Variants in C10orf90 observed in about 807,000 individuals in gnomAD.
C10orf90 encodes chromosome 10 open reading frame 90.
Under a neutral mutation model 62.5 loss-of-function variants are expected in C10orf90, and 56 were observed. The ratio of observed to expected loss-of-function variants is 0.90; its 90% CI spans 0.72 to 1.12. The LOEUF (loss-of-function observed/expected upper bound fraction) is 1.12. C10orf90 is among the 50% of genes most tolerant of loss of function. The probability of loss-of-function intolerance (pLI) is 0.00; values close to 1 mark genes in which losing one functional copy is unlikely to be tolerated. For missense variants in C10orf90, 970 were observed against 880.4 expected (o/e 1.10, Z -1.29); for synonymous variants, 386 against 340.4 (o/e 1.13, Z -1.47).
At chr10:126,651,324 A>G (rs1379079135) in intron 1 of C10orf90, among the ~76,000 whole-genome samples, 1 of 152,200 alleles carries the variant, frequency 6.6e-6, no homozygotes, top group African/African-American at 2.4e-5. Context: ...CTCTGACAGC[A>G]AAACCTTACC....
chr10:126,444,372 AC>A (rs1275527736), intron 7 of C10orf90, among the ~76,000 whole-genome samples: 1 of 151,996 alleles, frequency 6.6e-6, no homozygotes, highest in Non-Finnish European at 1.5e-5. Flanking sequence ...CTCCTATACA[AC>A]AAGAGCGACC....
intron 2 of C10orf90, among the ~76,000 whole-genome samples, chr10:126,603,158 T>TCA: frequency 6.6e-6 from 1 of 150,798 alleles, no homozygotes; most frequent in Non-Finnish European, 1.5e-5. Context: ...GTTCTCACGC[T>TCA]GCTAATAAAG....
chr10:126,630,671 A>T (rs977535717), intron 2 of C10orf90, among the ~76,000 whole-genome samples: 3 of 152,110 alleles, frequency 2.0e-5, no homozygotes, highest in Non-Finnish European at 4.4e-5. Context: ...ACAAGCAGGT[A>T]CTCCAGTGGC....
At chr10:126,641,943 G>A (rs1342107075) in intron 2 of C10orf90, among the ~76,000 whole-genome samples, 2 of 152,186 alleles carry the variant, frequency 1.3e-5, no homozygotes, top group South Asian at 2.1e-4. Flanking sequence ...GACTGAGGAG[G>A]TGAATAGCTT....
At chr10:126,532,524 A>G (rs1167820502) in intron 2 of C10orf90, among the ~76,000 whole-genome samples, 1 of 151,930 alleles carries the variant, frequency 6.6e-6, no homozygotes, top group Non-Finnish European at 1.5e-5. Context: ...CCCGATAAGT[A>G]AGGTTTGGAC....
At chr10:126,447,201 T>G (rs924005181) in intron 7 of C10orf90, among the ~76,000 whole-genome samples, 2 of 151,648 alleles carry the variant, frequency 1.3e-5, no homozygotes, top group Non-Finnish European at 2.9e-5. Context: ...GTAAATAGAT[T>G]AAATTCTCCA....
At chr10:126,502,297 A>G (rs1862452530) in intron 4 of C10orf90, among the ~76,000 whole-genome samples, 1 of 152,236 alleles carries the variant, frequency 6.6e-6, no homozygotes, top group Non-Finnish European at 1.5e-5. Context: ...GTCTGTGACT[A>G]TCTCTTTCCT....
intron 4 of C10orf90, among the ~76,000 whole-genome samples, chr10:126,482,506 C>T (rs1861220756): frequency 6.6e-6 from 1 of 152,186 alleles, no homozygotes; most frequent in Non-Finnish European, 1.5e-5. Context: ...CTGCACCTTG[C>T]CTTCACAGAA....
chr10:126,533,605 G>A (rs1466216165), intron 2 of C10orf90, among the ~76,000 whole-genome samples: 1 of 152,182 alleles, frequency 6.6e-6, no homozygotes, highest in Non-Finnish European at 1.5e-5. Flanking sequence ...TTGGGGACGG[G>A]AGCCCCCACA....
chr10:126,507,356 CAAAA>C (rs1204374185), intron 3 of C10orf90, among the ~76,000 whole-genome samples: 13,568 of 68,376 alleles, frequency 0.2, 493 homozygotes, highest in South Asian at 0.23. Flanking sequence ...GACTCCATCT[CAAAA>C]AAAAAAAAAA....
chr10:126,495,947 C>A (rs143936084), intron 4 of C10orf90, among the ~76,000 whole-genome samples: 20 of 152,138 alleles, frequency 1.3e-4, no homozygotes, highest in Admixed American at 1.3e-3. Flanking sequence ...GCACTCTTTA[C>A]GTAAATTACC....
In C10orf90 at chr10:126,615,879, A is replaced by G. The variant is rs141116175; in HGVS notation, c.313+30686T>C. On this transcript the variant is annotated intron_variant, in intron 2 of 9. Coordinates refer to ENST00000488181, the MANE Select transcript of C10orf90 (RefSeq NM_001350921.2). ...ACTGTAGTAGCTTCATGGGCTCCCCAAACAGTTTCCATCTATTTCCAATTT... is the reference window on the plus strand; with the variant it reads ...ACTGTAGTAGCTTCATGGGCTCCCCGAACAGTTTCCATCTATTTCCAATTT... Among the ~76,000 whole-genome samples the G allele has an allele frequency of 1.7e-3, 259 of 152,300 alleles. 2 individuals are homozygous for G. Among genetic ancestry groups the G allele is most frequent in the African/African-American group, 5.9e-3 (247 of 41,564 alleles).
intron 2 of C10orf90, among the ~76,000 whole-genome samples, chr10:126,630,719 G>A (rs1209720110): frequency 6.6e-6 from 1 of 152,138 alleles, no homozygotes; most frequent in African/African-American, 2.4e-5. Flanking sequence ...CTCTCCAGGT[G>A]TCAGTTACTT....
intron 4 of C10orf90, among the ~76,000 whole-genome samples, chr10:126,487,758 G>A (rs1476375003): frequency 3.9e-5 from 6 of 152,156 alleles, no homozygotes; most frequent in Non-Finnish European, 4.4e-5. Context: ...AAGGGAAAGA[G>A]AAGCAAAGGC....
chr10:126,537,081 C>G (rs1005064007), intron 2 of C10orf90, among the ~76,000 whole-genome samples: 3 of 152,290 alleles, frequency 2.0e-5, no homozygotes, highest in Admixed American at 6.5e-5. Flanking sequence ...TGATATCACA[C>G]ATAAACTTTG....
chr10:126,535,547 G>C (rs958999992), intron 2 of C10orf90, among the ~76,000 whole-genome samples: 2 of 151,476 alleles, frequency 1.3e-5, no homozygotes, highest in African/African-American at 4.9e-5. Flanking sequence ...TCTTCTGTCC[G>C]ACAAGTTAAT....
intron 4 of C10orf90, among the ~76,000 whole-genome samples, chr10:126,494,852 C>T (rs747887214): frequency 6.6e-6 from 1 of 152,214 alleles, no homozygotes; most frequent in Non-Finnish European, 1.5e-5. Context: ...TCTTAAGTGA[C>T]AAAGGTTGTG....
At position 126,641,253 on chromosome 10, in the gene C10orf90, G is replaced by T. The variant is rs1846052801; in HGVS notation, c.313+5312C>A. Among the ~76,000 whole-genome samples the T allele has an allele frequency of 2.0e-5, 3 of 152,084 alleles. No individual in the cohort carries two copies. The South Asian group carries it at 6.2e-4, about 32-fold the overall frequency. The stretch of plus-strand genomic sequence containing the variant: ...ATGACGAAGGGTATAGGGTTTATTG[G>T]GGCAACTAATGGTTTAATTCAGTAC... On this transcript the variant is annotated intron_variant, in intron 2 of 9. Transcript: ENST00000488181.
chr10:126,654,781 C>A (rs72839095), intron 1 of C10orf90, among the ~76,000 whole-genome samples: 1,552 of 152,264 alleles, frequency 0.01, 23 homozygotes, highest in Non-Finnish European at 0.011. Context: ...TCATTTCTAG[C>A]TTTTGATTTA....
Sources: allele counts gnomAD v4.1 joint callset (sites outside exome capture counted in the v4.1 genomes callset), GRCh38; gene constraint gnomAD v4.1.1; transcripts MANE v1.5; gene names NCBI Gene and HGNC (gene_info 2026-07-23, HGNC 2026-07-21).